SHISAL2B: variants seen among roughly 807,000 people sequenced by gnomAD.
SHISAL2B encodes protein shisa-like-2B.
SHISAL2B carries 12 observed loss-of-function variants against 16.5 expected under a neutral mutation model. That is an observed-to-expected ratio of 0.73 (90% CI 0.47 to 1.18). The LOEUF is 1.18. Among genes scored for constraint, SHISAL2B ranks in the 50% most tolerant of loss-of-function variants. The pLI is 0.00. For missense variants in SHISAL2B, 183 were observed against 193.6 expected (o/e 0.95, Z 0.33); for synonymous variants, 72 against 75.0 (o/e 0.96, Z 0.21).
intron 2 of SHISAL2B, among the ~76,000 whole-genome samples, chr5:64,697,511 T>C (rs578202181): frequency 2.2e-4 from 34 of 152,182 alleles, no homozygotes; most frequent in Non-Finnish European, 4.3e-4. Flanking sequence ...ATTATAAAAC[T>C]CAATTGCAAA....
chr5:64,694,033 A>G, intron 1 of SHISAL2B: 1 of 452,444 alleles, frequency 2.2e-6, no homozygotes, highest in Non-Finnish European at 4.4e-6. Flanking sequence ...TCCCAAAGCA[A>G]CAATGCTCCT....
intron 2 of SHISAL2B, among the ~76,000 whole-genome samples, chr5:64,715,753 C>A (rs1463077869): frequency 6.6e-6 from 1 of 152,148 alleles, no homozygotes; most frequent in Non-Finnish European, 1.5e-5. Flanking sequence ...CATTTGACAT[C>A]GTATTCTAAG....
At position 64,708,804 on chromosome 5, in the gene SHISAL2B, C is replaced by T. The variant is rs1741909262; in HGVS notation, c.350-9085C>T. On this transcript the variant is annotated intron_variant, in intron 2 of 2. Coordinates refer to ENST00000389074, the MANE Select transcript of SHISAL2B (RefSeq NM_001164442.2). The stretch of plus-strand genomic sequence containing the variant: ...AAATGCTGTGCCTACAACAAATTAG[C>T]TTTTAAGAATCAAATTATACTGATT... Among the ~76,000 whole-genome samples, 3 of 152,046 alleles carry T rather than the reference C, an allele frequency of 2.0e-5. No homozygotes were observed. In the South Asian group the frequency reaches 6.2e-4, roughly 31 times the overall value.
Position 64,709,165 on chromosome 5 carries a change from C to A in SHISAL2B, c.350-8724C>A, listed in dbSNP as rs1216490486. Among the ~76,000 whole-genome samples the A allele has an allele frequency of 8.4e-5, 12 of 142,122 alleles. No individual in the cohort carries two copies. The South Asian group carries it at 2.6e-3, about 30-fold the overall frequency. 93.2% of individuals were successfully genotyped at this position (142,122 alleles called of 152,430 possible). ...ACTCGTCATCTAGCATTAGGTATAT[C>A]TCCCAATGCTATCCCTCCCCCCTCC... On this transcript the variant is annotated intron_variant, in intron 2 of 2. Coordinates refer to ENST00000389074, the MANE Select transcript of SHISAL2B (RefSeq NM_001164442.2).
At chr5:64,698,534 G>T (rs1029578206) in intron 2 of SHISAL2B, among the ~76,000 whole-genome samples, 2 of 152,096 alleles carry the variant, frequency 1.3e-5, no homozygotes, top group African/African-American at 4.8e-5. Context: ...ATATCTGCAT[G>T]ACTTACATTA....
chr5:64,709,351 T>C (rs1205034444), intron 2 of SHISAL2B, among the ~76,000 whole-genome samples: 2 of 151,758 alleles, frequency 1.3e-5, no homozygotes, highest in African/African-American at 4.8e-5. Context: ...TCCATTTCCC[T>C]ACAAAGGACA....
chr5:64,709,847 G>C (rs1741933162), intron 2 of SHISAL2B, among the ~76,000 whole-genome samples: 1 of 152,140 alleles, frequency 6.6e-6, no homozygotes, highest in Admixed American at 6.5e-5. Flanking sequence ...CTTTTGAGAA[G>C]TGTCTGTTCA....
chr5:64,695,476 G>T (rs1338191997), intron 1 of SHISAL2B, 31 bp from the exon 2 acceptor site: 9 of 1,500,958 alleles, frequency 6.0e-6, no homozygotes, highest in Non-Finnish European at 8.0e-6. Flanking sequence ...ACCACTTTGT[G>T]TGACACATAT....
chr5:64,718,111 C>A lies in SHISAL2B; in HGVS notation c.*89C>A. 1 of 1,194,512 alleles carries A rather than the reference C, an allele frequency of 8.4e-7. No individual in the cohort carries two copies. Among genetic ancestry groups the A allele is most frequent in the South Asian group, 2.0e-5 (1 of 49,408 alleles). The allele number at this position is 1,194,512 out of a possible 1,614,324, so 74.0% of individuals were successfully genotyped here. On this transcript the variant is annotated 3_prime_UTR_variant, in exon 3 of 3. Transcript: ENST00000389074. ...TGAAACGGTTTGTAATATTGCTTTTCAAAAATTCGTCACTCACAAAGCAAG... is the reference window on the plus strand; with the variant it reads ...TGAAACGGTTTGTAATATTGCTTTTAAAAAATTCGTCACTCACAAAGCAAG...
chr5:64,691,074 A>C (rs568295254), intron 1 of SHISAL2B, among the ~76,000 whole-genome samples: 1 of 152,308 alleles, frequency 6.6e-6, no homozygotes, highest in African/African-American at 2.4e-5. Flanking sequence ...CCCAGGGCGC[A>C]CTTGGGGCCC....
At chr5:64,694,307 T>G (rs1042112342) in intron 1 of SHISAL2B, 3 of 251,598 alleles carry the variant, frequency 1.2e-5, no homozygotes, top group Non-Finnish European at 2.4e-5. Flanking sequence ...ACCATGAAAG[T>G]TGACAGAAGT....
intron 2 of SHISAL2B, among the ~76,000 whole-genome samples, chr5:64,708,922 T>G (rs1158570845): frequency 2.0e-5 from 3 of 152,074 alleles, no homozygotes; most frequent in African/African-American, 4.8e-5. Context: ...ATTGTGCCAC[T>G]CTAGGCCCTG....
chr5:64,703,323 G>A (rs1198873974), intron 2 of SHISAL2B, among the ~76,000 whole-genome samples: 1 of 152,128 alleles, frequency 6.6e-6, no homozygotes, highest in African/African-American at 2.4e-5. Context: ...TAGGGTAATT[G>A]GAACTCAATG....
rs1041778999 is a variant in SHISAL2B, at chr5:64,690,711, G to C, written c.88G>C (p.Gly30Arg). Residue 30 changes from glycine to arginine, a missense_variant, in exon 1 of 3, where the codon GGG becomes CGG. Coordinates refer to ENST00000389074, the MANE Select transcript of SHISAL2B (RefSeq NM_001164442.2). ...EPFQCPRRGE[G>R]AALQYCCGFA... ...CTTCCAGTGCCCCCGGCGCGGCGAG[G>C]GGGCAGCGCTCCAGTATTGCTGCGG... 2.0e-6 allele frequency: 3 copies of C among 1,535,694 alleles called. No individual in the cohort carries two copies. The African/African-American group carries it at 4.1e-5, about 21-fold the overall frequency.
At position 64,695,540 on chromosome 5, in the gene SHISAL2B, C is replaced by T; in HGVS notation, c.225C>T (p.Ala75=). 2 of 1,535,702 alleles carry T rather than the reference C, an allele frequency of 1.3e-6. No individual in the cohort carries two copies. The highest frequency in any genetic ancestry group is 1.7e-6 in the Non-Finnish European group (2 of 1,146,290). The change falls in exon 2 of 3, where the codon GCC becomes GCT. Residue 75 remains alanine, a synonymous_variant. Transcript: ENST00000389074. ...CCTTGATTGGACTAGGAATTGCTGC[C>T]CTTGTTTTACTCGCCTTTGTCATCA... ...IGALIGLGIA[A]LVLLAFVISV... is the part of the protein sequence containing the mutation.
At chr5:64,708,013 A>C (rs892309402) in intron 2 of SHISAL2B, among the ~76,000 whole-genome samples, 1 of 152,196 alleles carries the variant, frequency 6.6e-6, no homozygotes, top group African/African-American at 2.4e-5. Context: ...AAAACAAGAG[A>C]AGTCTTAGGA....
rs149151858 is a variant in SHISAL2B, at chr5:64,707,709, G to C, written c.350-10180G>C. Among the ~76,000 whole-genome samples, 615 of 152,270 alleles carry C rather than the reference G, an allele frequency of 4.0e-3. 5 individuals are homozygous for C. Among genetic ancestry groups the C allele is most frequent in the African/African-American group, 0.014 (585 of 41,554 alleles). ...TTACAGGAGTATACTTTACTCAATT[G>C]TTAAAAGCTGTAAATAGCTTAAAAG... On this transcript the variant is annotated intron_variant, in intron 2 of 2. Coordinates refer to ENST00000389074, the MANE Select transcript of SHISAL2B (RefSeq NM_001164442.2).
At chr5:64,717,299 T>C (rs1742070364) in intron 2 of SHISAL2B, among the ~76,000 whole-genome samples, 1 of 152,216 alleles carries the variant, frequency 6.6e-6, no homozygotes, top group Non-Finnish European at 1.5e-5. Flanking sequence ...ATACATTAAT[T>C]ATTTCTACAA....
rs748358422 is a variant in SHISAL2B at position 64,690,654 on chromosome 5, T to A, written c.31T>A (p.Tyr11Asn). Reference protein sequence around the residue: MSEASRLCSGYYSLNQSFVEP... With the variant: MSEASRLCSGNYSLNQSFVEP... ...CGAGGCCAGCCGACTGTGCTCCGGC[T>A]ACTACAGCCTCAACCAGAGCTTCGT... Residue 11 changes from tyrosine (Y) to asparagine (N), a missense_variant, in exon 1 of 3, where the codon TAC becomes AAC. Transcript: ENST00000389074. The A allele has an allele frequency of 2.0e-6, 3 of 1,524,940 alleles. No homozygotes were observed. The African/African-American group carries it at 4.1e-5, about 21-fold the overall frequency. 94.5% of individuals were successfully genotyped at this position (1,524,940 alleles called of 1,614,324 possible).
Sources: gnomAD v4.1 joint callset for allele counts (sites outside exome capture counted in the v4.1 genomes callset) on GRCh38, gnomAD v4.1.1 for gene constraint, MANE v1.5 for transcripts, NCBI Gene and HGNC (gene_info 2026-07-23, HGNC 2026-07-21) for gene names.